Variants in GABBR1 observed in about 807,000 individuals in gnomAD.
GABBR1 encodes the protein GABA-B receptor, R1 subunit.
In GABBR1, 35 loss-of-function variants were observed where a neutral mutation model predicts 117.7. That is an observed-to-expected ratio of 0.30 (90% CI 0.23 to 0.39). The LOEUF (loss-of-function observed/expected upper bound fraction) is 0.39, where lower values mean the gene tolerates loss of function less well. Ranked by LOEUF, GABBR1 falls within the 10% of genes least tolerant of loss-of-function variation. The pLI is 1.00. For missense variants in GABBR1, 709 were observed against 1,241.8 expected, an observed-to-expected ratio of 0.57 and a Z score of 6.45; for synonymous variants, 442 against 486.6, an observed-to-expected ratio of 0.91 and a Z score of 1.21.
rs1562070361 is a variant in GABBR1 at position 29,603,082 on chromosome 6, G to C, written c.*461C>G. 1 of 458,324 alleles carries C rather than the reference G, an allele frequency of 2.2e-6. No individual in the cohort carries two copies. 28.4% of individuals were successfully genotyped at this position (458,324 alleles called of 1,614,324 possible). ...AAAGTATAGAAGGGCAAGTAAGATG[G>C]AAAGAGATTATGACAGTGGAGAAAA... On this transcript the variant is annotated 3_prime_UTR_variant, in exon 23 of 23. Transcript: ENST00000377034.
chr6:29,624,941 C>T (rs191111385), intron 6 of GABBR1, among the ~76,000 whole-genome samples: 140 of 151,680 alleles, frequency 9.2e-4, no homozygotes, highest in Middle Eastern at 3.4e-3. Context: ...GGAGCCAGGG[C>T]AGAGGGGACA....
Position 29,621,572 on chromosome 6 carries a change from G to T in GABBR1, c.1131+180C>A, listed in dbSNP as rs1763750991. Among the ~76,000 whole-genome samples the T allele has an allele frequency of 6.6e-6, 1 of 152,126 alleles. No homozygotes were observed. Among genetic ancestry groups the T allele is most frequent in the Admixed American group, 6.6e-5 (1 of 15,266 alleles). Reference sequence around the variant, plus strand: ...AAGCAGTAGAAAAATGAGATCTGAAGAAAGTATCATGTGTGTGCAGACAAG... The same window carrying T: ...AAGCAGTAGAAAAATGAGATCTGAATAAAGTATCATGTGTGTGCAGACAAG... On this transcript the variant is annotated intron_variant, in intron 10 of 22. Transcript: ENST00000377034. This position sits in a 1 kb window ranked among gnomAD's most constrained non-coding sequence, Gnocchi z 5.0.
In GABBR1 at chr6:29,632,309, G is replaced by A; in HGVS notation, c.77C>T (p.Thr26Ile). Reference sequence around the variant, plus strand: ...GTCGAAGAAGGATGCACCTTCTGAGGTGGCGTTGGGGGTCTGCGCCCCGCC... The same window carrying A: ...GTCGAAGAAGGATGCACCTTCTGAGATGGCGTTGGGGGTCTGCGCCCCGCC... Reference protein sequence around the residue: ...GAGGAQTPNATSEGCQIIHPP... With the variant: ...GAGGAQTPNAISEGCQIIHPP... The change falls in exon 2 of 23, where the codon ACC becomes ATC. Residue 26 changes from threonine to isoleucine, a missense_variant. Coordinates refer to ENST00000377034, the MANE Select transcript of GABBR1 (RefSeq NM_001470.4). This position sits in a 1 kb window ranked among gnomAD's most constrained non-coding sequence, Gnocchi z 5.8. 1 of 1,380,418 alleles carries A rather than the reference G, an allele frequency of 7.2e-7. No homozygotes were observed. The highest frequency in any genetic ancestry group is 9.4e-7 in the Non-Finnish European group (1 of 1,063,950). 85.5% of individuals were successfully genotyped at this position (1,380,418 alleles called of 1,614,324 possible). A position where few individuals can be genotyped will look rare whatever the true frequency, so the allele number is the denominator to read the frequency against.
intron 5 of GABBR1, chr6:29,628,222 A>G: frequency 1.1e-6 from 1 of 941,314 alleles, no homozygotes; most frequent in Non-Finnish European, 1.2e-6. Context: ...CGAGGAGGAA[A>G]GGAACGAAAG....
chr6:29,616,253 C>T (rs1005812821), intron 11 of GABBR1, among the ~76,000 whole-genome samples: 1 of 151,058 alleles, frequency 6.6e-6, no homozygotes, highest in African/African-American at 2.4e-5. Context: ...TCCCGTAATC[C>T]CAGCTACTCA....
chr6:29,627,507 C>T lies in GABBR1; in HGVS notation c.636G>A (p.Lys212=), dbSNP rs771156305. ...RRDILPDYEL[K]LIHHDSKCDP... is the part of the protein sequence containing the mutation. ...CTACCTTGCTGTCGTGGTGGATGAG[C>T]TTGAGCTCATAGTCCGGCAGGATGT... Residue 212 remains lysine (K), a synonymous_variant, in exon 6 of 23, where the codon AAG becomes AAA. Transcript: ENST00000377034. The surrounding 1 kb of genome is among the most constrained non-coding windows in gnomAD (Gnocchi z 4.4). 1.4e-6 allele frequency: 2 copies of T among 1,452,818 alleles called. No individual in the cohort carries two copies. The allele number at this position is 1,452,818 out of a possible 1,614,324, so 90.0% of individuals were successfully genotyped here. A position where few individuals can be genotyped will look rare whatever the true frequency, so the allele number is the denominator to read the frequency against.
Position 29,614,367 on chromosome 6 carries a change from A to G in GABBR1, c.1324-882T>C, listed in dbSNP as rs182992495. Among the ~76,000 whole-genome samples, 179 of 152,370 alleles carry G rather than the reference A, an allele frequency of 1.2e-3. 1 individual carries two copies. The highest frequency in any genetic ancestry group is 1.7e-3 in the Non-Finnish European group (117 of 68,044). On this transcript the variant is annotated intron_variant, in intron 11 of 22. Transcript: ENST00000377034. ...TCTTGGGAAACCACAAGTAATACAC[A>G]GGGGACCATACAAATAATTGTTTGG... is the stretch of plus-strand genomic sequence containing the variant.
chr6:29,616,699 AAG>A (rs28383951), intron 11 of GABBR1, among the ~76,000 whole-genome samples: 14,648 of 151,502 alleles, frequency 0.097, 821 homozygotes, highest in Middle Eastern at 0.21. Flanking sequence ...AAAAAAAAAA[AAG>A]TTAGCCAGAC....
chr6:29,603,733 A>C lies in GABBR1; in HGVS notation c.2713-17T>G. 2 of 1,468,248 alleles carry C rather than the reference A, an allele frequency of 1.4e-6. No homozygotes were observed. The highest frequency in any genetic ancestry group is 9.0e-7 in the Non-Finnish European group (1 of 1,112,150). 91.0% of individuals were successfully genotyped at this position (1,468,248 alleles called of 1,614,324 possible). The stretch of plus-strand genomic sequence containing the variant: ...CTCCTCTTTCTGGAGGAAGAAGCAC[A>C]ATTGGGATAGTAGGAGAAGAGGAGG... On this transcript the variant is annotated splice_polypyrimidine_tract_variant and intron_variant, in intron 22 of 22. Transcript: ENST00000377034.
chr6:29,632,349 G>C lies in GABBR1; in HGVS notation c.37C>G (p.Arg13Gly). 1.5e-6 allele frequency: 2 copies of C among 1,361,842 alleles called. No homozygotes were observed. The highest frequency in any genetic ancestry group is 3.7e-5 in the South Asian group (2 of 53,772). 84.4% of individuals were successfully genotyped at this position (1,361,842 alleles called of 1,614,324 possible). A position where few individuals can be genotyped will look rare whatever the true frequency, so the allele number is the denominator to read the frequency against. Residue 13 changes from arginine (R) to glycine (G), a missense_variant, in exon 2 of 23, where the codon CGC becomes GGC. This residue lies in a region of GABBR1 where 43 missense variants were observed against 42.8 expected (regional missense o/e 1.00). Transcript: ENST00000377034. This position sits in a 1 kb window ranked among gnomAD's most constrained non-coding sequence, Gnocchi z 5.8. The stretch of plus-strand genomic sequence containing the variant: ...TGCGCCCCGCCCGCGCCCGGGGGGC[G>C]GAGGAAGAGTGGCGCCAGTAGCAGC... ...LLLLLAPLFL[R>G]PPGAGGAQTP...
In GABBR1 at chr6:29,631,673, G is replaced by C. The variant is rs1401088984; in HGVS notation, c.86-74C>G. The C allele has an allele frequency of 7.4e-7, 1 of 1,345,898 alleles. No individual in the cohort carries two copies. The highest frequency in any genetic ancestry group is 1.1e-6 in the Non-Finnish European group (1 of 941,106). 83.4% of individuals were successfully genotyped at this position (1,345,898 alleles called of 1,614,324 possible). On this transcript the variant is annotated intron_variant, in intron 2 of 22. Coordinates refer to ENST00000377034, the MANE Select transcript of GABBR1 (RefSeq NM_001470.4). This position sits in a 1 kb window ranked among gnomAD's most constrained non-coding sequence, Gnocchi z 5.9. ...GAAAAGGCAGGCTCCCCAGTGGGAG[G>C]AAGGGGAGAGTAGGGCGTGGTCTGT... is the stretch of plus-strand genomic sequence containing the variant.
Position 29,604,548 on chromosome 6 carries a change from C to T in GABBR1, c.2658G>A (p.Glu886=), listed in dbSNP as rs1308267687. The change falls in exon 22 of 23, where the codon GAG becomes GAA. Residue 886 remains glutamate, a synonymous_variant. Transcript: ENST00000377034. The surrounding 1 kb of genome is among the most constrained non-coding windows in gnomAD (Gnocchi z 5.3). ...TGSSTNNNEE[E]KSRLLEKENR... is the part of the protein sequence containing the mutation. ...TCTCCTTCTCCAACAGCCGGGACTT[C>T]TCCTCCTCGTTGTTGTTGGTCGATG... is the stretch of plus-strand genomic sequence containing the variant. The T allele has an allele frequency of 1.9e-6, 3 of 1,613,320 alleles. No individual in the cohort carries two copies. The highest frequency in any genetic ancestry group is 2.5e-6 in the Non-Finnish European group (3 of 1,180,032).
intron 6 of GABBR1, 189 bp from the exon 7 acceptor site, chr6:29,624,213 T>C: frequency 1.8e-6 from 1 of 558,532 alleles, no homozygotes; most frequent in Non-Finnish European, 3.1e-6. Flanking sequence ...TTCATTAAAC[T>C]TCCTTCTCTG....
chr6:29,608,784 C>T lies in GABBR1; in HGVS notation c.1860-51G>A, dbSNP rs370044776. 3.5e-4 allele frequency: 564 copies of T among 1,590,754 alleles called. 1 individual carries two copies. The highest frequency in any genetic ancestry group is 5.3e-4 in the Middle Eastern group (3 of 5,700). On this transcript the variant is annotated intron_variant, in intron 15 of 22. Transcript: ENST00000377034. ...AGGGAGAGAGAATTACCCCTCTTCT[C>T]CAGGGAGGCTGAGCTCTCCAAATAC...
intron 15 of GABBR1, 98 bp from the exon 16 acceptor site, chr6:29,608,831 T>C: frequency 7.5e-7 from 1 of 1,341,716 alleles, no homozygotes; most frequent in Non-Finnish European, 1.0e-6. Context: ...ATGACCCTAA[T>C]TTCAGGGCCA....
In GABBR1 at chr6:29,630,739, G is replaced by A; in HGVS notation, c.290-96C>T. 1 of 971,988 alleles carries A rather than the reference G, an allele frequency of 1.0e-6. No individual in the cohort carries two copies. The allele number at this position is 971,988 out of a possible 1,614,324, so 60.2% of individuals were successfully genotyped here. A position where few individuals can be genotyped will look rare whatever the true frequency, so the allele number is the denominator to read the frequency against. Reference sequence around the variant, plus strand: ...CTCAGGTGCAGGTTTGGGTCCACAAGCATCCTGCTCTAAAGAAAATCACAT... The same window carrying A: ...CTCAGGTGCAGGTTTGGGTCCACAAACATCCTGCTCTAAAGAAAATCACAT... On this transcript the variant is annotated intron_variant, in intron 3 of 22. Coordinates refer to ENST00000377034, the MANE Select transcript of GABBR1 (RefSeq NM_001470.4). This position sits in a 1 kb window ranked among gnomAD's most constrained non-coding sequence, Gnocchi z 4.9.
Position 29,621,548 on chromosome 6 carries a change from A to C in GABBR1, c.1131+204T>G, listed in dbSNP as rs1238518902. Reference sequence around the variant, plus strand: ...TTCATGGGCTTCTCAGGAAACACAAAGCAGTAGAAAAATGAGATCTGAAGA... The same window carrying C: ...TTCATGGGCTTCTCAGGAAACACAACGCAGTAGAAAAATGAGATCTGAAGA... On this transcript the variant is annotated intron_variant, in intron 10 of 22. Transcript: ENST00000377034. This position sits in a 1 kb window ranked among gnomAD's most constrained non-coding sequence, Gnocchi z 5.0. Among the ~76,000 whole-genome samples, 1 of 152,170 alleles carries C rather than the reference A, an allele frequency of 6.6e-6. No individual in the cohort carries two copies. Among genetic ancestry groups the C allele is most frequent in the African/African-American group, 2.4e-5 (1 of 41,426 alleles).
rs973457066 is a variant in GABBR1 at position 29,630,097 on chromosome 6, G to A, written c.475+361C>T. 1.7e-5 allele frequency: 4 copies of A among 235,896 alleles called. No homozygotes were observed. Among genetic ancestry groups the A allele is most frequent in the Middle Eastern group, 1.4e-3 (1 of 740 alleles). 14.6% of individuals were successfully genotyped at this position (235,896 alleles called of 1,614,324 possible). A position where few individuals can be genotyped will look rare whatever the true frequency, so the allele number is the denominator to read the frequency against. ...ATGGTGAGGGATGAATTCTAGAAGA[G>A]GGTGATGCATGGAAATTTCTAAGTT... is the stretch of plus-strand genomic sequence containing the variant. On this transcript the variant is annotated intron_variant, in intron 4 of 22. Transcript: ENST00000377034. This position sits in a 1 kb window ranked among gnomAD's most constrained non-coding sequence, Gnocchi z 4.9.
At chr6:29,612,729 G>A in intron 12 of GABBR1, 115 bp from the exon 13 acceptor site, 1 of 899,310 alleles carries the variant, frequency 1.1e-6, no homozygotes, top group Non-Finnish European at 1.9e-6. Flanking sequence ...CTGAATGAAT[G>A]CTATTTATGG....
Sources: allele counts gnomAD v4.1 joint callset (sites outside exome capture counted in the v4.1 genomes callset), GRCh38; gene constraint gnomAD v4.1.1; regional missense constraint gnomAD v4.1.1; non-coding constraint Gnocchi (gnomAD v3.1); transcripts MANE v1.5; gene names NCBI Gene and HGNC (gene_info 2026-07-23, HGNC 2026-07-21).